RGL1: variants seen among roughly 807,000 people sequenced by gnomAD.
RGL1 encodes the protein ral guanine nucleotide dissociation stimulator like 1, also known as ral guanine nucleotide dissociation stimulator-like 1.
Under a neutral mutation model 95.2 loss-of-function variants are expected in RGL1, and 24 were observed. The ratio of observed to expected loss-of-function variants is 0.25; its 90% CI spans 0.18 to 0.35. The LOEUF (loss-of-function observed/expected upper bound fraction) is 0.35. RGL1 is among the 10% of genes least tolerant of loss of function. The pLI is 1.00. For missense variants in RGL1, 715 were observed against 936.3 expected, an observed-to-expected ratio of 0.76 and a Z score of 3.08; for synonymous variants, 329 against 344.9, an observed-to-expected ratio of 0.95 and a Z score of 0.51.
At position 183,790,833 on chromosome 1, in the gene RGL1, T is replaced by C. The variant is rs78093501; in HGVS notation, c.133-15542T>C. 4.2e-3 allele frequency among the ~76,000 whole-genome samples: 632 copies of C among 152,210 alleles called. 3 individuals carry two copies. Among genetic ancestry groups the C allele is most frequent in the African/African-American group, 0.014 (597 of 41,522 alleles). On this transcript the variant is annotated intron_variant, in intron 2 of 18. Coordinates refer to the RGL1 transcript ENST00000304685. ...CTGGAAATAAGTCATTAATTCTTAT[T>C]ACAGAAGTTTGAAATGAAGGCCAGC...
chr1:183,879,023 T>A (rs1250752224), intron 4 of RGL1, among the ~76,000 whole-genome samples: 2 of 152,252 alleles, frequency 1.3e-5, no homozygotes, highest in Non-Finnish European at 2.9e-5. Flanking sequence ...AGGTTTTCAA[T>A]TAATTTCTGG....
intron 4 of RGL1, among the ~76,000 whole-genome samples, chr1:183,879,380 G>T (rs1244496381): frequency 6.6e-6 from 1 of 152,166 alleles, no homozygotes; most frequent in Non-Finnish European, 1.5e-5. Flanking sequence ...TGAAAGCCCA[G>T]CCTTCACTTT....
chr1:183,735,941 C>A (rs145045228), intron 1 of RGL1, among the ~76,000 whole-genome samples: 4 of 152,156 alleles, frequency 2.6e-5, no homozygotes, highest in South Asian at 2.1e-4. Context: ...CTTCTTGGAT[C>A]CCACAATTTG....
chr1:183,693,097 G>C (rs1654055533), intron 1 of RGL1, among the ~76,000 whole-genome samples: 1 of 151,918 alleles, frequency 6.6e-6, no homozygotes, highest in Non-Finnish European at 1.5e-5. Context: ...TGGGACTGCA[G>C]GCGTGTGCCA....
At chr1:183,719,142 G>C (rs1257451142) in intron 1 of RGL1, among the ~76,000 whole-genome samples, 1 of 152,218 alleles carries the variant, frequency 6.6e-6, no homozygotes, top group Non-Finnish European at 1.5e-5. Flanking sequence ...AAGGTAAATT[G>C]TGAAATCTAG....
chr1:183,876,368 T>G (rs772950908), intron 4 of RGL1, among the ~76,000 whole-genome samples: 5 of 152,240 alleles, frequency 3.3e-5, no homozygotes, highest in Non-Finnish European at 5.9e-5. Context: ...ACTACAAAGT[T>G]TTGTATGTTG....
At chr1:183,897,713 A>G in intron 9 of RGL1, 95 bp from the exon 10 acceptor site, 1 of 851,026 alleles carries the variant, frequency 1.2e-6, no homozygotes, top group Non-Finnish European at 1.9e-6. Flanking sequence ...AGCGAGAGTT[A>G]TGCAGGGTTG....
intron 14 of RGL1, among the ~76,000 whole-genome samples, chr1:183,909,283 C>G (rs1037354204): frequency 1.3e-5 from 2 of 152,316 alleles, no homozygotes; most frequent in Admixed American, 1.3e-4. Flanking sequence ...TTCAATGGCT[C>G]ATCATTCCAA....
At chr1:183,759,718 C>T (rs1658552737) in intron 2 of RGL1, among the ~76,000 whole-genome samples, 1 of 152,180 alleles carries the variant, frequency 6.6e-6, no homozygotes. Context: ...TCCATTGGCC[C>T]TTGTTGCCAG....
chr1:183,836,500 C>G (rs1001066348), intron 2 of RGL1, among the ~76,000 whole-genome samples: 48 of 152,020 alleles, frequency 3.2e-4, no homozygotes, highest in Non-Finnish European at 1.0e-4. Flanking sequence ...AACTCCTGAC[C>G]TCAGGTGATC....
chr1:183,743,852 C>T (rs1478327366), intron 2 of RGL1, among the ~76,000 whole-genome samples: 1 of 152,108 alleles, frequency 6.6e-6, no homozygotes, highest in South Asian at 2.1e-4. Flanking sequence ...TTCCAAGTAA[C>T]AGAAATTGAC....
At chr1:183,734,862 G>C (rs1366169238) in intron 1 of RGL1, among the ~76,000 whole-genome samples, 1 of 152,158 alleles carries the variant, frequency 6.6e-6, no homozygotes, top group Non-Finnish European at 1.5e-5. Context: ...GCTCTGTTCT[G>C]TTAAGTATCC....
rs1447842368 is a variant in RGL1, at chr1:183,833,171, C to A, written c.139-14395C>A. On this transcript the variant is annotated intron_variant, in intron 2 of 17. Coordinates refer to ENST00000360851, the MANE Select transcript of RGL1 (RefSeq NM_001297671.3). ...AATTTAAAGCAGCTCAAAGTGTATC[C>A]TGTGTTCTTTTGAATCACCCTCATA... Among the ~76,000 whole-genome samples, 13 of 152,104 alleles carry A rather than the reference C, an allele frequency of 8.5e-5. No homozygotes were observed. The East Asian group carries it at 2.5e-3, about 29-fold the overall frequency.
At chr1:183,763,832 C>A (rs1464003709) in intron 2 of RGL1, among the ~76,000 whole-genome samples, 1 of 151,974 alleles carries the variant, frequency 6.6e-6, no homozygotes, top group Non-Finnish European at 1.5e-5. Context: ...GGAAAGAGTA[C>A]AAAATGTTAC....
At chr1:183,752,144 G>T (rs542203871) in intron 2 of RGL1, among the ~76,000 whole-genome samples, 1 of 152,204 alleles carries the variant, frequency 6.6e-6, no homozygotes, top group African/African-American at 2.4e-5. Flanking sequence ...TTCCAAAATG[G>T]TGGTACCAAT....
intron 1 of RGL1, among the ~76,000 whole-genome samples, chr1:183,692,870 T>C (rs1376529659): frequency 6.6e-6 from 1 of 152,170 alleles, no homozygotes; most frequent in African/African-American, 2.4e-5. Context: ...GCATTAAAAT[T>C]CATAGAATCA....
At chr1:183,646,075 G>A (rs939677841) in intron 1 of RGL1, among the ~76,000 whole-genome samples, 1 of 152,118 alleles carries the variant, frequency 6.6e-6, no homozygotes, top group African/African-American at 2.4e-5. Flanking sequence ...GCAACAAATT[G>A]GATCTATTTT....
At chr1:183,689,712 CAT>C (rs1158706716) in intron 1 of RGL1, among the ~76,000 whole-genome samples, 1 of 152,162 alleles carries the variant, frequency 6.6e-6, no homozygotes, top group East Asian at 1.9e-4. Context: ...CACTGCATAA[CAT>C]AGATACAACT....
chr1:183,648,511 A>G (rs561902085), intron 1 of RGL1: 3 of 1,614,094 alleles, frequency 1.9e-6, no homozygotes, highest in Non-Finnish European at 2.5e-6. Flanking sequence ...GGATGGATAT[A>G]ATTCCCAGTG....
Sources: gnomAD v4.1 joint callset for allele counts (sites outside exome capture counted in the v4.1 genomes callset) on GRCh38, gnomAD v4.1.1 for gene constraint, MANE v1.5 for transcripts, NCBI Gene and HGNC (gene_info 2026-07-23, HGNC 2026-07-21) for gene names.